Variants in OSBPL10 observed in about 807,000 individuals in gnomAD.
OSBPL10 encodes oxysterol binding protein like 10.
A neutral mutation model predicts 81.7 loss-of-function variants in OSBPL10; 49 were observed. That is an observed-to-expected ratio of 0.60 (90% CI 0.48 to 0.76). OSBPL10 has a LOEUF of 0.76. Among genes scored for constraint, OSBPL10 ranks in the 30% least tolerant of loss-of-function variants. The probability of loss-of-function intolerance (pLI) is 0.00; values close to 1 mark genes in which losing one functional copy is unlikely to be tolerated. For synonymous variants in OSBPL10, 419 were observed against 383.6 expected, an observed-to-expected ratio of 1.09 and a Z score of -1.08; for missense variants, 923 against 987.8, an observed-to-expected ratio of 0.93 and a Z score of 0.88.
intron 2 of OSBPL10, among the ~76,000 whole-genome samples, chr3:31,996,332 G>A (rs1444994430): frequency 6.6e-6 from 1 of 152,190 alleles, no homozygotes; most frequent in Non-Finnish European, 1.5e-5. Flanking sequence ...ACCTGCTAGA[G>A]AGGACTTGAT....
chr3:31,972,293 G>A (rs1310056099), intron 1 of OSBPL10, among the ~76,000 whole-genome samples: 2 of 152,204 alleles, frequency 1.3e-5, no homozygotes, highest in Non-Finnish European at 2.9e-5. Flanking sequence ...GGAAGCTGTG[G>A]CAGAAGAATC....
chr3:31,979,758 C>T (rs530011465), intron 1 of OSBPL10, among the ~76,000 whole-genome samples: 1 of 151,842 alleles, frequency 6.6e-6, no homozygotes, highest in Non-Finnish European at 1.5e-5. Context: ...CACATCTGTT[C>T]TTGTCTTCCT....
chr3:31,827,150 C>T (rs1488381544), intron 4 of OSBPL10, among the ~76,000 whole-genome samples: 1 of 151,968 alleles, frequency 6.6e-6, no homozygotes, highest in African/African-American at 2.4e-5. Context: ...TGGCCTCAAG[C>T]AATCCTCTCA....
chr3:32,021,331 C>A (rs78971661), intron 2 of OSBPL10, among the ~76,000 whole-genome samples: 2 of 152,130 alleles, frequency 1.3e-5, no homozygotes, highest in Non-Finnish European at 2.9e-5. Flanking sequence ...TAAAGTTCAA[C>A]GTCATGAGGA....
chr3:31,822,913 TAA>T (rs71097447), intron 4 of OSBPL10, among the ~76,000 whole-genome samples: 27,922 of 89,054 alleles, frequency 0.31, 3,798 homozygotes, highest in Middle Eastern at 0.44. Context: ...CCCCCAACTC[TAA>T]AAAAAAAAAA....
intron 4 of OSBPL10, among the ~76,000 whole-genome samples, chr3:31,791,724 C>T (rs1348981510): frequency 6.6e-6 from 1 of 151,420 alleles, no homozygotes; most frequent in East Asian, 1.9e-4. Context: ...TATCTTTATG[C>T]CCTAAAAAGC....
intron 6 of OSBPL10, chr3:31,708,820 A>G (rs1344006404): frequency 1.0e-6 from 1 of 985,312 alleles, no homozygotes; most frequent in Non-Finnish European, 1.2e-6. Flanking sequence ...GGTAGAGGGT[A>G]TCTCAGCTGA....
chr3:31,845,237 T>C (rs961213192), intron 3 of OSBPL10, among the ~76,000 whole-genome samples: 1 of 152,234 alleles, frequency 6.6e-6, no homozygotes, highest in Non-Finnish European at 1.5e-5. Flanking sequence ...CTGCTCATCC[T>C]GAAAGGGTTT....
At chr3:31,977,077 T>G (rs1698713277) in intron 1 of OSBPL10, among the ~76,000 whole-genome samples, 1 of 152,120 alleles carries the variant, frequency 6.6e-6, no homozygotes, top group East Asian at 1.9e-4. Context: ...GGTAAGCACC[T>G]CAAACTGAAC....
rs534161384 is a variant in OSBPL10 at position 31,845,108 on chromosome 3, T to C, written c.538-14877A>G. Among the ~76,000 whole-genome samples the C allele has an allele frequency of 7.2e-4, 108 of 150,914 alleles. 1 individual carries two copies. The highest frequency in any genetic ancestry group is 1.7e-3 in the South Asian group (8 of 4,644). On this transcript the variant is annotated intron_variant, in intron 3 of 11. Transcript: ENST00000396556. The stretch of plus-strand genomic sequence containing the variant: ...ATAAAATTAACCATTGTATGTATTT[T>C]ATGTCAATGACTTTCATATCAATTT...
chr3:31,681,254 C>A (rs1575471787), intron 8 of OSBPL10, among the ~76,000 whole-genome samples: 1 of 152,152 alleles, frequency 6.6e-6, no homozygotes, highest in South Asian at 2.1e-4. Flanking sequence ...AAGGAAGACC[C>A]CAGTGAAGGC....
intron 4 of OSBPL10, among the ~76,000 whole-genome samples, chr3:31,775,625 G>T (rs1249669899): frequency 6.6e-6 from 1 of 152,176 alleles, no homozygotes; most frequent in African/African-American, 2.4e-5. Flanking sequence ...ATAGGGCACT[G>T]CTGGAGGGAG....
At chr3:31,948,523 A>G (rs752859829) in intron 1 of OSBPL10, among the ~76,000 whole-genome samples, 7 of 152,126 alleles carry the variant, frequency 4.6e-5, no homozygotes, top group Non-Finnish European at 1.0e-4. Context: ...AATCTCCACG[A>G]CCACACTCGA....
chr3:31,860,149 A>G (rs1701023707), intron 3 of OSBPL10, among the ~76,000 whole-genome samples: 1 of 151,700 alleles, frequency 6.6e-6, no homozygotes, highest in South Asian at 2.1e-4. Flanking sequence ...CCTGTGCCCT[A>G]AAAGGCCTTG....
chr3:31,849,543 A>T (rs1257954358), intron 3 of OSBPL10, among the ~76,000 whole-genome samples: 1 of 152,114 alleles, frequency 6.6e-6, no homozygotes, highest in East Asian at 1.9e-4. Context: ...TAGCCTTACC[A>T]CTTCATACCA....
chr3:32,049,555 T>C (rs1275389396), intron 1 of OSBPL10, among the ~76,000 whole-genome samples: 1 of 152,112 alleles, frequency 6.6e-6, no homozygotes, highest in African/African-American at 2.4e-5. Context: ...AAGACCCAAA[T>C]TAGGAAGATT....
At chr3:31,809,790 G>A (rs924417457) in intron 4 of OSBPL10, among the ~76,000 whole-genome samples, 23 of 151,248 alleles carry the variant, frequency 1.5e-4, no homozygotes, top group Admixed American at 8.5e-4. Context: ...CGTATCAGTG[G>A]AGAAAAGATG....
At chr3:31,696,649 C>A (rs7629103) in intron 7 of OSBPL10, among the ~76,000 whole-genome samples, 93,446 of 152,090 alleles carry the variant, frequency 0.61, 29,861 homozygotes, top group Middle Eastern at 0.72. Flanking sequence ...GAACCTTCTT[C>A]ATCTCCTTTG....
chr3:31,721,913 A>C (rs1056829312), intron 6 of OSBPL10, among the ~76,000 whole-genome samples: 5 of 152,204 alleles, frequency 3.3e-5, no homozygotes, highest in African/African-American at 1.2e-4. Context: ...TTAATGATTC[A>C]CATGTTTACA....
Sources: gnomAD v4.1 joint callset for allele counts (sites outside exome capture counted in the v4.1 genomes callset) on GRCh38, gnomAD v4.1.1 for gene constraint, MANE v1.5 for transcripts, NCBI Gene and HGNC (gene_info 2026-07-23, HGNC 2026-07-21) for gene names.